FCER2: variants seen among roughly 807,000 people sequenced by gnomAD.
FCER2 encodes Fc epsilon receptor II, also known as low affinity immunoglobulin epsilon Fc receptor.
A neutral mutation model predicts 49.7 loss-of-function variants in FCER2; 38 were observed. That is an observed-to-expected ratio of 0.76 (90% CI 0.59 to 1.00). The LOEUF is 1.00. FCER2 is among the 50% of genes least tolerant of loss of function. The pLI, the probability that FCER2 is intolerant of heterozygous loss-of-function variation, is 0.00. For synonymous variants in FCER2, 163 were observed against 164.6 expected, an observed-to-expected ratio of 0.99 and a Z score of 0.07; for missense variants, 425 against 419.5, an observed-to-expected ratio of 1.01 and a Z score of -0.11.
chr19:7,698,295 G>C (rs368372701), intron 4 of FCER2, 61 bp downstream of exon 4: 5 of 1,180,278 alleles, frequency 4.2e-6, no homozygotes, highest in Admixed American at 2.3e-5. Context: ...AGAGAGGAGC[G>C]GGATGAGTGC....
At chr19:7,696,455 C>T (rs899853013) in intron 8 of FCER2, among the ~76,000 whole-genome samples, 5 of 152,078 alleles carry the variant, frequency 3.3e-5, no homozygotes, top group Admixed American at 1.3e-4. Flanking sequence ...AGGCTGGTCT[C>T]GAACTCCTGA....
intron 8 of FCER2, among the ~76,000 whole-genome samples, chr19:7,694,040 C>T (rs1242758753): frequency 6.6e-6 from 1 of 152,010 alleles, no homozygotes; most frequent in Non-Finnish European, 1.5e-5. Flanking sequence ...GATCCTCCTG[C>T]CTCGGCCTCC....
At chr19:7,696,567 G>A (rs991794134) in intron 8 of FCER2, among the ~76,000 whole-genome samples, 19 of 151,230 alleles carry the variant, frequency 1.3e-4, no homozygotes, top group Admixed American at 3.3e-4. Flanking sequence ...TAAAATAAGC[G>A]GTGTTTTATG....
At chr19:7,694,927 T>TGG (rs1262942772) in intron 8 of FCER2, among the ~76,000 whole-genome samples, 2 of 152,132 alleles carry the variant, frequency 1.3e-5, no homozygotes, top group Non-Finnish European at 2.9e-5. Flanking sequence ...CTCAAACTCC[T>TGG]GGGCTCAGGT....
intron 8 of FCER2, among the ~76,000 whole-genome samples, chr19:7,695,116 G>A (rs915341252): frequency 1.4e-4 from 21 of 152,122 alleles, no homozygotes; most frequent in Non-Finnish European, 1.8e-4. Flanking sequence ...GACTATAGGC[G>A]TGAGCCAGTG....
chr19:7,698,482 C>T, intron 3 of FCER2, 73 bp from the exon 4 acceptor site: 1 of 1,235,980 alleles, frequency 8.1e-7, no homozygotes, highest in Admixed American at 1.8e-5. Flanking sequence ...CCCCACCTCC[C>T]AGCTGGGGAT....
intron 8 of FCER2, among the ~76,000 whole-genome samples, chr19:7,693,741 C>T (rs1475335004): frequency 4.6e-5 from 7 of 151,954 alleles, no homozygotes; most frequent in African/African-American, 1.4e-4. Flanking sequence ...CTGCACCTCC[C>T]GGGTTCAAGC....
At chr19:7,697,813 G>A (rs2033057834) in intron 4 of FCER2, among the ~76,000 whole-genome samples, 1 of 152,156 alleles carries the variant, frequency 6.6e-6, no homozygotes, top group South Asian at 2.1e-4. Context: ...AAAAGCAGTA[G>A]GCGACTATCA....
In FCER2 at chr19:7,698,756, G is replaced by A; in HGVS notation, c.121C>T (p.Leu41=). ...GTGTCCTCACGCCACAGGAGAAGCA[G>A]AGTCAGCAGCCCAGCCCACAGAGCG... ...TAALWAGLLT[L]LLLWHWDTTQ... is the part of the protein sequence containing the mutation. The change falls in exon 3 of 11, where the codon CTG becomes TTG. Residue 41 remains leucine, a synonymous_variant. Coordinates refer to ENST00000597921, the MANE Select transcript of FCER2 (RefSeq NM_001220500.2). The A allele has an allele frequency of 6.2e-7, 1 of 1,612,976 alleles. No individual in the cohort carries two copies. Among genetic ancestry groups the A allele is most frequent in the Non-Finnish European group, 8.5e-7 (1 of 1,179,622 alleles).
Position 7,691,986 on chromosome 19 carries a change from A to C in FCER2, c.470-1429T>G, listed in dbSNP as rs1275277233. Among the ~76,000 whole-genome samples, 3 of 151,132 alleles carry C rather than the reference A, an allele frequency of 2.0e-5. 1 individual carries two copies. The highest frequency in any genetic ancestry group is 4.4e-5 in the Non-Finnish European group (3 of 67,858). On this transcript the variant is annotated intron_variant, in intron 8 of 10. Transcript: ENST00000597921. The stretch of plus-strand genomic sequence containing the variant: ...TTGTCACACATTCACATTCACGTCC[A>C]TCAACACATCAACCACCAACACCAT...
intron 5 of FCER2, 49 bp downstream of exon 5, chr19:7,697,478 A>G: frequency 1.3e-6 from 2 of 1,544,466 alleles, no homozygotes; most frequent in African/African-American, 1.4e-5. Flanking sequence ...AAGTCATCCA[A>G]GACCCCCTCG....
chr19:7,689,116 C>T lies in FCER2; in HGVS notation c.*77G>A, dbSNP rs1025025472. The T allele has an allele frequency of 8.8e-6, 9 of 1,027,968 alleles. No individual in the cohort carries two copies. The African/African-American group carries it at 1.4e-4, about 16-fold the overall frequency. 63.7% of individuals were successfully genotyped at this position (1,027,968 alleles called of 1,614,324 possible). A position where few individuals can be genotyped will look rare whatever the true frequency, so the allele number is the denominator to read the frequency against. On this transcript the variant is annotated 3_prime_UTR_variant, in exon 11 of 11. Coordinates refer to ENST00000597921, the MANE Select transcript of FCER2 (RefSeq NM_001220500.2). Reference sequence around the variant, plus strand: ...GGGTGGCAGAAAATGTCACAGGGACCTTTCAGCCACAAAGAGGCTTTTAGG... The same window carrying T: ...GGGTGGCAGAAAATGTCACAGGGACTTTTCAGCCACAAAGAGGCTTTTAGG...
intron 8 of FCER2, among the ~76,000 whole-genome samples, chr19:7,693,529 T>C (rs1197118696): frequency 1.3e-5 from 2 of 152,052 alleles, no homozygotes; most frequent in African/African-American, 4.8e-5. Context: ...GGAGGATCGC[T>C]TGAGCCCAGG....
At chr19:7,696,948 C>A in intron 7 of FCER2, 34 bp from the exon 8 acceptor site, 1 of 1,563,438 alleles carries the variant, frequency 6.4e-7, no homozygotes, top group Non-Finnish European at 8.7e-7. Flanking sequence ...TGCTCAGAGA[C>A]CAACTGGCAG....
At chr19:7,697,380 T>C in intron 5 of FCER2, 82 bp from the exon 6 acceptor site, 1 of 1,540,450 alleles carries the variant, frequency 6.5e-7, no homozygotes, top group Non-Finnish European at 9.0e-7. Flanking sequence ...TTGGTCTCTT[T>C]GCCTGGGTTC....
chr19:7,695,920 CTTTTTTTTT>C lies in FCER2; in HGVS notation c.469+896_469+904del, dbSNP rs60387474. Among the ~76,000 whole-genome samples, 3 of 80,678 alleles carry C rather than the reference CTTTTTTTTT, an allele frequency of 3.7e-5. No individual in the cohort carries two copies. In the East Asian group the frequency reaches 1.2e-3, roughly 31 times the overall value. The allele number at this position is 80,678 out of a possible 152,430, so 52.9% of individuals were successfully genotyped here. ...CAAAAGAGTAAGACTCCATCTCTCTCTTTTTTTTTTTTTTTTTTTTTTTTGAGACAGAGT... is the reference window on the plus strand; with the variant it reads ...CAAAAGAGTAAGACTCCATCTCTCTCTTTTTTTTTTTTTTTGAGACAGAGT... On this transcript the variant is annotated intron_variant, in intron 8 of 10. Transcript: ENST00000597921.
At position 7,688,892 on chromosome 19, in the gene FCER2, GT is replaced by G; in HGVS notation, c.*300del. The G allele has an allele frequency of 1.0e-5, 4 of 390,948 alleles. No homozygotes were observed. Among genetic ancestry groups the G allele is most frequent in the Non-Finnish European group, 1.9e-5 (4 of 214,128 alleles). The allele number at this position is 390,948 out of a possible 1,614,324, so 24.2% of individuals were successfully genotyped here. A position where few individuals can be genotyped will look rare whatever the true frequency, so the allele number is the denominator to read the frequency against. On this transcript the variant is annotated 3_prime_UTR_variant, in exon 11 of 11. Transcript: ENST00000597921. ...GGAGATGGGGCTGCATCTGGAGAGG[GT>G]GCTGTTGGGGTGTACTCTCATCTGG...
intron 10 of FCER2, among the ~76,000 whole-genome samples, 185 bp downstream of exon 10, chr19:7,689,974 C>T (rs902606329): frequency 2.0e-5 from 3 of 152,084 alleles, no homozygotes; most frequent in East Asian, 1.9e-4. Flanking sequence ...TCCTCTATAT[C>T]CCCTCCTCCA....
At chr19:7,696,719 A>G (rs1415453844) in intron 8 of FCER2, 106 bp downstream of exon 8, 3 of 794,536 alleles carry the variant, frequency 3.8e-6, no homozygotes, top group Non-Finnish European at 6.2e-6. Flanking sequence ...ACACAAACGT[A>G]TAGACATGCT....
Sources: gnomAD v4.1 joint callset for allele counts (sites outside exome capture counted in the v4.1 genomes callset) on GRCh38, gnomAD v4.1.1 for gene constraint, MANE v1.5 for transcripts, NCBI Gene and HGNC (gene_info 2026-07-23, HGNC 2026-07-21) for gene names.